Variants in CDH19 observed in about 807,000 individuals in gnomAD.
CDH19 encodes cadherin 19, also known as cadherin-19.
In CDH19, 67 loss-of-function variants were observed where a neutral mutation model predicts 64.2. That is an observed-to-expected ratio of 1.04 (90% CI 0.86 to 1.28). The LOEUF is 1.28. Ranked by LOEUF, CDH19 falls within the 50% of genes most tolerant of loss-of-function variation. The probability of loss-of-function intolerance (pLI) is 0.00; values close to 1 mark genes in which losing one functional copy is unlikely to be tolerated. For missense variants in CDH19, 1,030 were observed against 929.0 expected (o/e 1.11, Z -1.41); for synonymous variants, 346 against 319.3 (o/e 1.08, Z -0.89).
rs1321523236 is a variant in CDH19 at position 66,543,973 on chromosome 18, G to C, written c.1212C>G (p.Ile404Met). 12 of 1,607,300 alleles carry C rather than the reference G, an allele frequency of 7.5e-6. No individual in the cohort carries two copies. Among genetic ancestry groups the C allele is most frequent in the African/African-American group, 1.3e-5 (1 of 74,648 alleles). The change falls in exon 7 of 12, where the codon ATC becomes ATG. Residue 404 changes from isoleucine to methionine, a missense_variant and splice_region_variant. By Grantham distance (10) the Ile-to-Met change is conservative (BLOSUM62 1). Coordinates refer to ENST00000262150, the MANE Select transcript of CDH19 (RefSeq NM_021153.4). ...CAAAACTGACCTTACAGACATACCTGATAGGAGATTTCCTATTGTCTGGGT... is the reference window on the plus strand; with the variant it reads ...CAAAACTGACCTTACAGACATACCTCATAGGAGATTTCCTATTGTCTGGGT... ...ATDPDNRKSPIRYSITRSKVF... is the reference protein window; with the variant it reads ...ATDPDNRKSPMRYSITRSKVF...
chr18:66,539,898 G>A (rs1166913567), intron 7 of CDH19, among the ~76,000 whole-genome samples: 1 of 150,962 alleles, frequency 6.6e-6, no homozygotes, highest in Admixed American at 6.6e-5. Flanking sequence ...AAATGTATAC[G>A]TGTGTGTGTG....
intron 9 of CDH19, among the ~76,000 whole-genome samples, chr18:66,524,266 G>A (rs1013282324): frequency 6.6e-6 from 1 of 151,620 alleles, no homozygotes; most frequent in Non-Finnish European, 1.5e-5. Context: ...CAATTATTGC[G>A]CTGCTGCTTT....
chr18:66,563,044 T>C (rs540332117), intron 3 of CDH19, among the ~76,000 whole-genome samples: 1 of 152,244 alleles, frequency 6.6e-6, no homozygotes, highest in East Asian at 1.9e-4. Context: ...TGTTCTTTCC[T>C]GTGTCACATA....
At chr18:66,543,083 T>C (rs1229136473) in intron 7 of CDH19, among the ~76,000 whole-genome samples, 1 of 152,202 alleles carries the variant, frequency 6.6e-6, no homozygotes, top group African/African-American at 2.4e-5. Context: ...CGGAGTGCAG[T>C]GGTGCAATCT....
At chr18:66,561,665 G>A (rs1420280068) in intron 3 of CDH19, among the ~76,000 whole-genome samples, 3 of 152,106 alleles carry the variant, frequency 2.0e-5, no homozygotes, top group Non-Finnish European at 2.9e-5. Flanking sequence ...GATCAGAGGT[G>A]CCAGTGGTAT....
chr18:66,510,330 T>A (rs1466922161), intron 10 of CDH19, among the ~76,000 whole-genome samples: 1 of 151,142 alleles, frequency 6.6e-6, no homozygotes, highest in African/African-American at 2.4e-5. Flanking sequence ...TGCGTTTTAT[T>A]AAATTACTTG....
chr18:66,588,432 C>A (rs1988639193), intron 1 of CDH19, among the ~76,000 whole-genome samples: 1 of 151,660 alleles, frequency 6.6e-6, no homozygotes, highest in South Asian at 2.1e-4. Flanking sequence ...GTTCAGCGAG[C>A]CAGCTGTTAT....
Position 66,505,128 on chromosome 18 carries a change from C to T in CDH19, c.2003G>A (p.Arg668His). The T allele has an allele frequency of 6.2e-7, 1 of 1,613,504 alleles. No homozygotes were observed. Among genetic ancestry groups the T allele is most frequent in the Middle Eastern group, 1.7e-4 (1 of 6,054 alleles). The change falls in exon 12 of 12, where the codon CGC (arginine) becomes CAC (histidine). Residue 668 changes from arginine to histidine, a missense_variant. Physicochemically the swap from Arg to His is conservative, Grantham distance 29. Coordinates refer to ENST00000262150, the MANE Select transcript of CDH19 (RefSeq NM_021153.4). ...AGCGCTTGTGGTTTTCCGAGTCTTG[C>T]GTTCCCGCATTATGGTACTACTCCT... Reference protein sequence around the residue: ...ELRSSTIMRERKTRKTTSAEI... With the variant: ...ELRSSTIMREHKTRKTTSAEI...
At chr18:66,585,961 A>T (rs1225059774) in intron 1 of CDH19, among the ~76,000 whole-genome samples, 2 of 152,128 alleles carry the variant, frequency 1.3e-5, no homozygotes, top group African/African-American at 4.8e-5. Flanking sequence ...TTACGACTTA[A>T]GGGATGAAAA....
intron 9 of CDH19, among the ~76,000 whole-genome samples, chr18:66,527,736 G>A (rs1181340483): frequency 6.7e-6 from 1 of 148,474 alleles, no homozygotes; most frequent in Non-Finnish European, 1.5e-5. Context: ...CCTGGGCAAC[G>A]AGAGCAAAGC....
intron 9 of CDH19, among the ~76,000 whole-genome samples, chr18:66,517,634 T>C (rs1011754708): frequency 1.3e-5 from 2 of 152,088 alleles, no homozygotes; most frequent in African/African-American, 2.4e-5. Context: ...ATTTTTATTT[T>C]CTATGATCAA....
chr18:66,566,586 T>C (rs1987920357), intron 3 of CDH19, among the ~76,000 whole-genome samples: 1 of 151,898 alleles, frequency 6.6e-6, no homozygotes, highest in African/African-American at 2.4e-5. Context: ...TGTGCTGTAA[T>C]AGCACAAATT....
chr18:66,520,687 T>C (rs562951551), intron 9 of CDH19, among the ~76,000 whole-genome samples: 2 of 152,094 alleles, frequency 1.3e-5, no homozygotes, highest in Non-Finnish European at 2.9e-5. Context: ...GCAAATTTCA[T>C]GGACAACCTT....
At position 66,536,514 on chromosome 18, in the gene CDH19, T is replaced by C. The variant is rs192488436; in HGVS notation, c.1215-1407A>G. ...CTAATCCTATTTCTGTAAAATGTCA[T>C]TGCACATAAAGCCCATTTAAAGTTT... On this transcript the variant is annotated intron_variant, in intron 7 of 11. Transcript: ENST00000262150. Among the ~76,000 whole-genome samples, 30 of 151,992 alleles carry C rather than the reference T, an allele frequency of 2.0e-4. 1 individual carries two copies. The East Asian group carries it at 4.8e-3, about 24-fold the overall frequency.
At chr18:66,510,457 A>C (rs1054578997) in intron 10 of CDH19, among the ~76,000 whole-genome samples, 1 of 148,386 alleles carries the variant, frequency 6.7e-6, no homozygotes, top group Non-Finnish European at 1.5e-5. Flanking sequence ...AATGTATTTA[A>C]ATATATACAT....
chr18:66,582,252 T>A (rs958898352), intron 1 of CDH19, among the ~76,000 whole-genome samples: 18 of 152,058 alleles, frequency 1.2e-4, no homozygotes, highest in African/African-American at 4.3e-4. Context: ...AAAAAATAAG[T>A]CAGAATGATG....
At position 66,503,355 on chromosome 18, in the gene CDH19, A is replaced by G. The variant is rs1985029575; in HGVS notation, c.*1457T>C. Reference sequence around the variant, plus strand: ...TAATTTTATATTCAATAATAAAAAAATGACACTGAAGCATCAGTCATATTC... The same window carrying G: ...TAATTTTATATTCAATAATAAAAAAGTGACACTGAAGCATCAGTCATATTC... On this transcript the variant is annotated 3_prime_UTR_variant, in exon 12 of 12. Coordinates refer to ENST00000262150, the MANE Select transcript of CDH19 (RefSeq NM_021153.4). The G allele has an allele frequency of 6.6e-6, 1 of 151,896 alleles. No homozygotes were observed. Among genetic ancestry groups the G allele is most frequent in the Admixed American group, 6.6e-5 (1 of 15,226 alleles). 9.4% of individuals were successfully genotyped at this position (151,896 alleles called of 1,614,324 possible).
intron 9 of CDH19, among the ~76,000 whole-genome samples, chr18:66,522,033 G>A (rs983083367): frequency 8.7e-5 from 13 of 149,660 alleles, no homozygotes; most frequent in African/African-American, 3.0e-4. Flanking sequence ...TGCAAGCTCC[G>A]CCTCCCGGGT....
rs143115492 is a variant in CDH19 at position 66,530,261 on chromosome 18, C to T, written c.1337-295G>A. Among the ~76,000 whole-genome samples the T allele has an allele frequency of 1.2e-4, 18 of 152,072 alleles. No homozygotes were observed. The East Asian group carries it at 1.9e-3, about 16-fold the overall frequency. The stretch of plus-strand genomic sequence containing the variant: ...AAAGATAAAGTAAAATAAGGGTATA[C>T]GGAGAGCTTGCAAGAGTCCAGGAAC... On this transcript the variant is annotated intron_variant, in intron 8 of 11. Transcript: ENST00000262150.
Sources: gnomAD v4.1 joint callset for allele counts (sites outside exome capture counted in the v4.1 genomes callset) on GRCh38, gnomAD v4.1.1 for gene constraint, MANE v1.5 for transcripts, NCBI Gene and HGNC (gene_info 2026-07-23, HGNC 2026-07-21) for gene names.